The following VPS13D variants were observed in gnomAD, a reference collection of about 807,000 sequenced individuals.
VPS13D encodes vacuolar protein sorting 13 homolog D.
Under a neutral mutation model 461.9 loss-of-function variants are expected in VPS13D, and 187 were observed. That is an observed-to-expected ratio of 0.40 (90% CI 0.36 to 0.46). The LOEUF (loss-of-function observed/expected upper bound fraction) is 0.46, where lower values mean the gene tolerates loss of function less well. VPS13D is among the 20% of genes least tolerant of loss of function. VPS13D has a pLI of 0.60. For synonymous variants in VPS13D, 1,951 were observed against 1,986.3 expected (o/e 0.98, Z 0.47); for missense variants, 4,711 against 5,364.9 (o/e 0.88, Z 3.81).
intron 24 of VPS13D, among the ~76,000 whole-genome samples, chr1:12,297,896 G>A (rs1642318392): frequency 6.6e-6 from 1 of 152,152 alleles, no homozygotes; most frequent in Non-Finnish European, 1.5e-5. Flanking sequence ...TTATAAGTGA[G>A]GAAACATTGT....
Position 12,244,580 on chromosome 1 carries a change from C to T in VPS13D, c.410C>T (p.Thr137Ile). ...QKGESYWYSV[T>I]ASVVTRIVEN... ...GGGGAGTCCTATTGGTATTCAGTTA[C>T]CGCCTCCGTAGTTACAAGGATTGTG... The change falls in exon 5 of 70, where the codon ACC becomes ATC. Residue 137 changes from threonine to isoleucine, a missense_variant. Physicochemically the swap from Thr to Ile is moderately conservative, Grantham distance 89 (BLOSUM62 -1). Coordinates refer to ENST00000620676, the MANE Select transcript of VPS13D (RefSeq NM_015378.4). 1 of 1,614,226 alleles carries T rather than the reference C, an allele frequency of 6.2e-7. No individual in the cohort carries two copies.
At position 12,507,983 on chromosome 1, in the gene VPS13D, G is replaced by A. The variant is rs947729819; in HGVS notation, c.13035+890G>A. Among the ~76,000 whole-genome samples the A allele has an allele frequency of 1.3e-5, 2 of 152,214 alleles. No individual in the cohort carries two copies. The highest frequency in any genetic ancestry group is 2.9e-5 in the Non-Finnish European group (2 of 68,028). ...GCTCTCTCTATGGATCGGAAATAGC[G>A]CCAGCCTTATTGGGCCTCTCTCCTC... is the stretch of plus-strand genomic sequence containing the variant. On this transcript the variant is annotated intron_variant, in intron 69 of 69. Transcript: ENST00000620676. This position sits in a 1 kb window ranked among gnomAD's most constrained non-coding sequence, Gnocchi z 5.3.
chr1:12,332,383 C>T (rs1163564278), intron 37 of VPS13D, among the ~76,000 whole-genome samples: 1 of 152,134 alleles, frequency 6.6e-6, no homozygotes, highest in African/African-American at 2.4e-5. Context: ...AAACAATGTA[C>T]CACGGTGACC....
At chr1:12,296,869 G>A (rs755707539) in intron 24 of VPS13D, among the ~76,000 whole-genome samples, 12 of 152,172 alleles carry the variant, frequency 7.9e-5, no homozygotes, top group Admixed American at 2.0e-4. Context: ...GTTAGGAAAC[G>A]AGATACTTGT....
chr1:12,321,243 AAT>A (rs1419106383), intron 32 of VPS13D, among the ~76,000 whole-genome samples: 3 of 152,192 alleles, frequency 2.0e-5, no homozygotes, highest in Non-Finnish European at 1.5e-5. Context: ...CAGTTTTAAT[AAT>A]ATGTTTATTT....
At chr1:12,402,337 T>C (rs1644592327) in intron 62 of VPS13D, among the ~76,000 whole-genome samples, 1 of 152,244 alleles carries the variant, frequency 6.6e-6, no homozygotes, top group African/African-American at 2.4e-5. Context: ...CAGCCTTTCC[T>C]TCCGCTCTTA....
chr1:12,493,210 C>T (rs187274480), intron 67 of VPS13D, among the ~76,000 whole-genome samples: 1,907 of 150,428 alleles, frequency 0.013, 21 homozygotes, highest in Middle Eastern at 0.031. Flanking sequence ...AAGGACTGGC[C>T]GGGTGCGGTG....
intron 67 of VPS13D, among the ~76,000 whole-genome samples, chr1:12,469,120 G>A (rs910688432): frequency 4.6e-5 from 7 of 151,972 alleles, no homozygotes; most frequent in African/African-American, 2.4e-5. Flanking sequence ...TATCCTTAGT[G>A]GATTTACTTT....
chr1:12,332,436 A>C (rs563516770), intron 37 of VPS13D, among the ~76,000 whole-genome samples: 9 of 152,374 alleles, frequency 5.9e-5, no homozygotes, highest in African/African-American at 2.2e-4. Flanking sequence ...GTATGCTCAA[A>C]GACATATTGG....
At chr1:12,436,023 C>A (rs1645055932) in intron 65 of VPS13D, among the ~76,000 whole-genome samples, 1 of 152,164 alleles carries the variant, frequency 6.6e-6, no homozygotes, top group Non-Finnish European at 1.5e-5. Flanking sequence ...GTTAACAGGT[C>A]TATTTATTGT....
In VPS13D at chr1:12,311,847, G is replaced by A; in HGVS notation, c.6857G>A (p.Cys2286Tyr). The stretch of plus-strand genomic sequence containing the variant: ...AGTGGAGAAGTGTACACCTGTATGT[G>A]CTTCCTCATTGATATGGTGAATGTA... ...VLSGEVYTCM[C>Y]FLIDMVNVSL... Residue 2286 changes from cysteine (C) to tyrosine (Y), a missense_variant, in exon 29 of 70, where the codon TGC becomes TAC. Physicochemically the swap from Cys to Tyr is radical, Grantham distance 194. Coordinates refer to ENST00000620676, the MANE Select transcript of VPS13D (RefSeq NM_015378.4). The A allele has an allele frequency of 6.2e-7, 1 of 1,614,150 alleles. No individual in the cohort carries two copies. The highest frequency in any genetic ancestry group is 8.5e-7 in the Non-Finnish European group (1 of 1,180,014).
rs780707927 is a variant in VPS13D at position 12,386,209 on chromosome 1, A to T, written c.11509A>T (p.Ile3837Phe). 7 of 1,612,506 alleles carry T rather than the reference A, an allele frequency of 4.3e-6. No homozygotes were observed. In the East Asian group the frequency reaches 6.7e-5, roughly 15 times the overall value. Residue 3837 changes from isoleucine (I) to phenylalanine (F), a missense_variant, in exon 60 of 70, where the codon ATT becomes TTT. Ile to Phe is a conservative substitution (Grantham distance 21). Around this residue, in one of 3 missense-constraint regions of VPS13D, gnomAD observed 4,411 missense variants for 4,937.8 expected, o/e 0.89. Coordinates refer to ENST00000620676, the MANE Select transcript of VPS13D (RefSeq NM_015378.4). ...GGTGCTTGTGAGGTTAGAAGGTGGAATTGGGTTGTCCTTAATTAATAAAGT... is the reference window on the plus strand; with the variant it reads ...GGTGCTTGTGAGGTTAGAAGGTGGATTTGGGTTGTCCTTAATTAATAAAGT... ...LEVLVRLEGG[I>F]GLSLINKVPE...
intron 63 of VPS13D, 93 bp downstream of exon 63, chr1:12,404,066 T>C: frequency 8.2e-7 from 1 of 1,216,330 alleles, no homozygotes; most frequent in Non-Finnish European, 1.1e-6. Context: ...TGTGTGTGTG[T>C]GTGCTTTTTT....
chr1:12,479,745 C>G (rs1041286544), intron 67 of VPS13D, among the ~76,000 whole-genome samples: 1 of 152,124 alleles, frequency 6.6e-6, no homozygotes, highest in Non-Finnish European at 1.5e-5. Context: ...AGCATCTGAC[C>G]AAGTGTTAGG....
intron 67 of VPS13D, among the ~76,000 whole-genome samples, chr1:12,492,826 C>T (rs1645901065): frequency 6.6e-6 from 1 of 152,134 alleles, no homozygotes; most frequent in Non-Finnish European, 1.5e-5. Context: ...CATGGCTACA[C>T]ACAAAAGAAT....
At chr1:12,431,620 A>G (rs1444009327) in intron 65 of VPS13D, among the ~76,000 whole-genome samples, 2 of 151,758 alleles carry the variant, frequency 1.3e-5, no homozygotes, top group Non-Finnish European at 2.9e-5. Flanking sequence ...ACTGAGTTCC[A>G]TGAGTACAAG....
intron 66 of VPS13D, 98 bp from the exon 67 acceptor site, chr1:12,460,103 A>G: frequency 8.8e-7 from 1 of 1,136,784 alleles, no homozygotes; most frequent in Non-Finnish European, 1.2e-6. Flanking sequence ...GATTAATAGA[A>G]TGGCCTTAAG....
intron 55 of VPS13D, among the ~76,000 whole-genome samples, chr1:12,377,820 CAAA>C (rs1193875764): frequency 6.4e-4 from 49 of 77,036 alleles, no homozygotes; most frequent in African/African-American, 1.9e-3. Flanking sequence ...AACTCCATCC[CAAA>C]AAAAAAAAAA....
Position 12,277,051 on chromosome 1 carries a change from A to G in VPS13D, c.3463A>G (p.Thr1155Ala). The G allele has an allele frequency of 6.2e-7, 1 of 1,614,170 alleles. No individual in the cohort carries two copies. The highest frequency in any genetic ancestry group is 8.5e-7 in the Non-Finnish European group (1 of 1,180,032). Residue 1155 changes from threonine (T) to alanine (A), a missense_variant, in exon 19 of 70, where the codon ACT (threonine) becomes GCT (alanine). By Grantham distance (58) the Thr-to-Ala change is moderately conservative (BLOSUM62 0). Transcript: ENST00000620676. ...DFERSFREQG[T>A]YQSTYEQNTE... ...TGAAAGAAGCTTCAGAGAACAAGGA[A>G]CTTACCAGTCTACATATGAACAAAA...
Sources: allele counts gnomAD v4.1 joint callset (sites outside exome capture counted in the v4.1 genomes callset), GRCh38; gene constraint gnomAD v4.1.1; regional missense constraint gnomAD v4.1.1; non-coding constraint Gnocchi (gnomAD v3.1); transcripts MANE v1.5; gene names NCBI Gene and HGNC (gene_info 2026-07-23, HGNC 2026-07-21).